AKAP13: variants seen among roughly 807,000 people sequenced by gnomAD.
AKAP13 encodes the protein A-kinase anchor protein 13.
In AKAP13, 80 loss-of-function variants were observed where a neutral mutation model predicts 264.5. The observed-to-expected ratio is 0.30, with a 90% CI of 0.25 to 0.36. The LOEUF is 0.36. AKAP13 is among the 10% of genes least tolerant of loss of function. The probability of loss-of-function intolerance (pLI) is 1.00; values close to 1 mark genes in which losing one functional copy is unlikely to be tolerated. For synonymous variants in AKAP13, 1,380 were observed against 1,250.2 expected (o/e 1.10, Z -2.19); for missense variants, 3,712 against 3,435.2 (o/e 1.08, Z -2.01).
Position 85,581,262 on chromosome 15 carries a change from T to C in AKAP13, c.3194T>C (p.Leu1065Pro), listed in dbSNP as rs377293364. Reference sequence around the variant, plus strand: ...CTTAACTGCAGTCAGCCTTCTCCTCTGGATGTTGGAGTGAAGAACACTCAA... The same window carrying C: ...CTTAACTGCAGTCAGCCTTCTCCTCCGGATGTTGGAGTGAAGAACACTCAA... The part of the protein sequence containing the change: ...DALNCSQPSP[L>P]DVGVKNTQSQ... The change falls in exon 7 of 37, where the codon CTG (leucine) becomes CCG (proline). Residue 1065 changes from leucine (L) to proline (P), a missense_variant. Around this residue, in one of 3 missense-constraint regions of AKAP13, gnomAD observed 2,759 missense variants for 2,411.7 expected, o/e 1.14. Transcript: ENST00000394518. 1.1e-5 allele frequency: 18 copies of C among 1,614,074 alleles called. No individual in the cohort carries two copies. Among genetic ancestry groups the C allele is most frequent in the Middle Eastern group, 1.6e-4 (1 of 6,084 alleles).
Position 85,581,147 on chromosome 15 carries a change from G to A in AKAP13, c.3079G>A (p.Glu1027Lys), listed in dbSNP as rs924576559. Reference sequence around the variant, plus strand: ...GCCACCAGGAGCAAGTCTGGCCACAGAGTCAAGGCAGGAAGCCTTGGGGGC... The same window carrying A: ...GCCACCAGGAGCAAGTCTGGCCACAAAGTCAAGGCAGGAAGCCTTGGGGGC... ...LVPPGASLAT[E>K]SRQEALGAEH... The change falls in exon 7 of 37, where the codon GAG (glutamate) becomes AAG (lysine). Residue 1027 changes from glutamate (E) to lysine (K), a missense_variant. Coordinates refer to ENST00000394518, the MANE Select transcript of AKAP13 (RefSeq NM_007200.5). 5 of 1,614,018 alleles carry A rather than the reference G, an allele frequency of 3.1e-6. No individual in the cohort carries two copies. The highest frequency in any genetic ancestry group is 4.2e-6 in the Non-Finnish European group (5 of 1,179,990).
intron 1 of AKAP13, among the ~76,000 whole-genome samples, chr15:85,423,904 C>A (rs2072643644): frequency 6.6e-6 from 1 of 152,208 alleles, no homozygotes; most frequent in East Asian, 1.9e-4. Flanking sequence ...TGTTCATCTC[C>A]ATCATAGCTC....
At chr15:85,449,203 G>A (rs1436716171) in intron 1 of AKAP13, among the ~76,000 whole-genome samples, 1 of 151,938 alleles carries the variant, frequency 6.6e-6, no homozygotes, top group African/African-American at 2.4e-5. Flanking sequence ...GAATGGGATT[G>A]CCTTTCTGAT....
At chr15:85,629,175 G>T (rs192891939) in intron 8 of AKAP13, among the ~76,000 whole-genome samples, 4 of 152,182 alleles carry the variant, frequency 2.6e-5, no homozygotes, top group Admixed American at 2.6e-4. Flanking sequence ...CCAGCCTGGG[G>T]TGACAGCTTC....
chr15:85,588,345 A>C (rs190656876), intron 8 of AKAP13, among the ~76,000 whole-genome samples: 28 of 152,320 alleles, frequency 1.8e-4, no homozygotes, highest in Non-Finnish European at 2.6e-4. Flanking sequence ...ATTCAGACAA[A>C]TGTTGCTTTT....
chr15:85,449,770 T>C (rs2074019848), intron 1 of AKAP13, among the ~76,000 whole-genome samples: 1 of 152,218 alleles, frequency 6.6e-6, no homozygotes, highest in Non-Finnish European at 1.5e-5. Context: ...TGAAGCTTAC[T>C]TGATCATGGT....
At chr15:85,401,558 T>C (rs1259438178) in intron 1 of AKAP13, among the ~76,000 whole-genome samples, 2 of 152,228 alleles carry the variant, frequency 1.3e-5, no homozygotes, top group African/African-American at 4.8e-5. Flanking sequence ...CCCTGGTAAC[T>C]TGAGCTATTA....
intron 30 of AKAP13, among the ~76,000 whole-genome samples, chr15:85,733,989 C>T (rs1310313478): frequency 6.8e-6 from 1 of 147,496 alleles, no homozygotes; most frequent in Non-Finnish European, 1.5e-5. Flanking sequence ...TATGGGCATG[C>T]ACCACCATGC....
chr15:85,442,980 C>T (rs543618206), intron 1 of AKAP13, among the ~76,000 whole-genome samples: 24 of 152,088 alleles, frequency 1.6e-4, no homozygotes, highest in Non-Finnish European at 2.6e-4. Context: ...TCCCTAACTC[C>T]CTGCTTTTTT....
At chr15:85,640,737 G>A (rs1303079468) in intron 9 of AKAP13, among the ~76,000 whole-genome samples, 4 of 152,130 alleles carry the variant, frequency 2.6e-5, no homozygotes, top group African/African-American at 9.7e-5. Flanking sequence ...TTTTCTAAAA[G>A]TGTAATTAAA....
Position 85,580,911 on chromosome 15 carries a change from A to G in AKAP13, c.2843A>G (p.Gln948Arg), listed in dbSNP as rs146828536. The change falls in exon 7 of 37, where the codon CAG becomes CGG. Residue 948 changes from glutamine to arginine, a missense_variant. By Grantham distance (43) the Gln-to-Arg change is conservative. Around this residue, in one of 3 missense-constraint regions of AKAP13, gnomAD observed 2,759 missense variants for 2,411.7 expected, o/e 1.14. Transcript: ENST00000394518. ...KENALSSGTL[Q>R]EEQRTPPPGQ... ...AATGCTCTCTCTTCAGGAACTTTGC[A>G]GGAAGAGCAGAGAACACCACCTCCT... 2 of 1,614,092 alleles carry G rather than the reference A, an allele frequency of 1.2e-6. No individual in the cohort carries two copies. The highest frequency in any genetic ancestry group is 8.5e-7 in the Non-Finnish European group (1 of 1,180,036).
chr15:85,728,705 T>C (rs752531004), intron 29 of AKAP13, among the ~76,000 whole-genome samples: 41 of 152,268 alleles, frequency 2.7e-4, no homozygotes, highest in Admixed American at 7.2e-4. Context: ...AGAGTGGTTA[T>C]GTGCAAAGGT....
intron 1 of AKAP13, among the ~76,000 whole-genome samples, chr15:85,467,067 G>A (rs1056860804): frequency 1.7e-5 from 2 of 114,954 alleles, no homozygotes; most frequent in African/African-American, 6.1e-5. Context: ...ATCTATTATT[G>A]TATTAACTAC....
chr15:85,464,106 A>G (rs557783496), intron 1 of AKAP13, among the ~76,000 whole-genome samples: 13 of 152,272 alleles, frequency 8.5e-5, no homozygotes, highest in South Asian at 8.3e-4. Context: ...CACGGCGTCT[A>G]TGATCCAACA....
At chr15:85,466,452 G>A (rs541236981) in intron 1 of AKAP13, among the ~76,000 whole-genome samples, 2 of 152,260 alleles carry the variant, frequency 1.3e-5, no homozygotes, top group African/African-American at 2.4e-5. Flanking sequence ...GAATGGTAAT[G>A]CCTAGGTTTT....
chr15:85,535,449 A>C (rs2077358332), intron 4 of AKAP13: 1 of 152,186 alleles, frequency 6.6e-6, no homozygotes, highest in South Asian at 2.1e-4. Context: ...TCTTTTTTTA[A>C]GTATAGTGTC....
intron 1 of AKAP13, among the ~76,000 whole-genome samples, chr15:85,439,974 A>T (rs8028386): frequency 0.084 from 12,047 of 143,492 alleles, 560 homozygotes; most frequent in East Asian, 0.18. Flanking sequence ...GTATAATAAA[A>T]AATAATAATA....
chr15:85,730,996 GC>G (rs2087966814), intron 30 of AKAP13, among the ~76,000 whole-genome samples: 2 of 106,182 alleles, frequency 1.9e-5, no homozygotes, highest in East Asian at 3.0e-4. Flanking sequence ...AGTCACTTAT[GC>G]TTTTTTTTTT....
chr15:85,516,194 T>C (rs1216380752), intron 2 of AKAP13, among the ~76,000 whole-genome samples: 1 of 152,200 alleles, frequency 6.6e-6, no homozygotes, highest in East Asian at 1.9e-4. Context: ...CACATTATAA[T>C]AGTAGTCATT....
Sources: gnomAD v4.1 joint callset for allele counts (sites outside exome capture counted in the v4.1 genomes callset) on GRCh38, gnomAD v4.1.1 for gene constraint, gnomAD v4.1.1 regional missense constraint, MANE v1.5 for transcripts, NCBI Gene and HGNC (gene_info 2026-07-23, HGNC 2026-07-21) for gene names.